ME3: variants seen among roughly 807,000 people sequenced by gnomAD.
The protein encoded by ME3 is malic enzyme 3.
Under a neutral mutation model 68.9 loss-of-function variants are expected in ME3, and 48 were observed. The observed-to-expected ratio is 0.70, with a 90% confidence interval of 0.55 to 0.89. The LOEUF is 0.89. Among genes scored for constraint, ME3 ranks in the 40% least tolerant of loss-of-function variants. The pLI, the probability that ME3 is intolerant of heterozygous loss-of-function variation, is 0.00. For synonymous variants in ME3, 320 were observed against 318.8 expected (o/e 1.00, Z -0.04); for missense variants, 675 against 797.4 (o/e 0.85, Z 1.85).
At chr11:86,448,186 C>G in exon 11 of ME3, 1 of 1,614,172 alleles carries the variant, frequency 6.2e-7, no homozygotes. Flanking sequence ...CTCACCACCT[C>G]CTCCAGGGAG....
intron 2 of ME3, among the ~76,000 whole-genome samples, chr11:86,565,687 A>G (rs1957447488): frequency 6.6e-6 from 1 of 152,250 alleles, no homozygotes; most frequent in Admixed American, 6.5e-5. Context: ...AACTTTTTTA[A>G]ATATTTCTTT....
intron 4 of ME3, among the ~76,000 whole-genome samples, chr11:86,550,580 A>G (rs578052030): frequency 1.3e-5 from 2 of 152,336 alleles, no homozygotes; most frequent in African/African-American, 4.8e-5. Flanking sequence ...GTTTCGCAGC[A>G]GAGTCTGGGT....
At chr11:86,668,435 G>A (rs528627480) in intron 2 of ME3, among the ~76,000 whole-genome samples, 1 of 152,022 alleles carries the variant, frequency 6.6e-6, no homozygotes, top group African/African-American at 2.4e-5. Context: ...GATCCACTAA[G>A]CTAATTTCAT....
At chr11:86,541,980 T>C (rs2139351206) in intron 4 of ME3, among the ~76,000 whole-genome samples, 1 of 152,354 alleles carries the variant, frequency 6.6e-6, no homozygotes, top group South Asian at 2.1e-4. Context: ...TTTGCTGGTC[T>C]GCAGCCTCCG....
At chr11:86,478,187 G>T (rs780619819) in intron 7 of ME3, among the ~76,000 whole-genome samples, 3 of 151,922 alleles carry the variant, frequency 2.0e-5, no homozygotes, top group African/African-American at 7.3e-5. Context: ...ACTACCATTG[G>T]TAGAGATGTT....
At position 86,465,159 on chromosome 11, in the gene ME3, T is replaced by C. The variant is rs757050542; in HGVS notation, c.851A>G (p.Asn284Ser). The C allele has an allele frequency of 5.0e-6, 8 of 1,613,862 alleles. No homozygotes were observed. In the Admixed American group the frequency reaches 1.3e-4, roughly 27 times the overall value. ...GTTGAGCAGGCGGAAGGCATTGGCA[T>C]TGGCGAAGTCTTCAAATTGGATGAG... The change falls in exon 8 of 15, where the codon AAT becomes AGT. Residue 284 changes from asparagine to serine, a missense_variant. Transcript: ENST00000543262.
intron 2 of ME3, among the ~76,000 whole-genome samples, chr11:86,579,519 G>C (rs1958315494): frequency 6.6e-6 from 1 of 152,168 alleles, no homozygotes. Flanking sequence ...CTAGCTACTG[G>C]CTGGAACATC....
At chr11:86,599,648 G>T (rs191676799) in intron 2 of ME3, among the ~76,000 whole-genome samples, 1,890 of 152,288 alleles carry the variant, frequency 0.012, 16 homozygotes, top group Middle Eastern at 0.027. Flanking sequence ...ACACATGATT[G>T]TCAGATTCAC....
chr11:86,515,902 C>T (rs1197543267), intron 4 of ME3, among the ~76,000 whole-genome samples: 1 of 152,156 alleles, frequency 6.6e-6, no homozygotes, highest in African/African-American at 2.4e-5. Context: ...AAGCCGCAGG[C>T]CAGGCTCTGC....
At chr11:86,535,786 T>C (rs549354871) in intron 4 of ME3, among the ~76,000 whole-genome samples, 2 of 152,314 alleles carry the variant, frequency 1.3e-5, no homozygotes, top group South Asian at 4.1e-4. Flanking sequence ...GAGTTAGAGC[T>C]CTGTCTTTAA....
At chr11:86,544,561 T>C (rs981568075) in intron 4 of ME3, among the ~76,000 whole-genome samples, 7 of 152,234 alleles carry the variant, frequency 4.6e-5, no homozygotes, top group Admixed American at 2.6e-4. Flanking sequence ...CTAGAAGAAA[T>C]TGATAAATTC....
chr11:86,658,368 C>G (rs1946056541), intron 2 of ME3, among the ~76,000 whole-genome samples: 1 of 151,988 alleles, frequency 6.6e-6, no homozygotes, highest in African/African-American at 2.4e-5. Flanking sequence ...AGTGATCCAC[C>G]TGCCTCAGCC....
intron 2 of ME3, among the ~76,000 whole-genome samples, chr11:86,670,488 G>A (rs575058292): frequency 2.0e-5 from 3 of 152,274 alleles, no homozygotes; most frequent in Admixed American, 6.5e-5. Flanking sequence ...ATTTTCTAAC[G>A]CTTACTAGCA....
chr11:86,454,451 G>C (rs951270946), intron 8 of ME3, among the ~76,000 whole-genome samples: 2 of 152,222 alleles, frequency 1.3e-5, no homozygotes, highest in African/African-American at 2.4e-5. Context: ...AGACACAGTA[G>C]ACTGTTTTAT....
chr11:86,498,165 C>G, intron 5 of ME3, 41 bp from the exon 6 acceptor site: 1 of 1,574,926 alleles, frequency 6.3e-7, no homozygotes, highest in Non-Finnish European at 8.6e-7. Context: ...GACAGCACTT[C>G]CTGTGACAGG....
intron 2 of ME3, among the ~76,000 whole-genome samples, chr11:86,646,820 T>C (rs941415376): frequency 1.3e-5 from 2 of 152,006 alleles, no homozygotes; most frequent in African/African-American, 2.4e-5. Flanking sequence ...AGATTACCCA[T>C]AAAGGGAAGT....
intron 9 of ME3, 92 bp from the exon 10 acceptor site, chr11:86,450,094 TC>T (rs1949547818): frequency 1.4e-5 from 16 of 1,128,454 alleles, no homozygotes; most frequent in South Asian, 2.9e-5. Flanking sequence ...CCCTTTTCTT[TC>T]CCCCACCTCA....
At chr11:86,458,889 C>G (rs1425206744) in intron 8 of ME3, among the ~76,000 whole-genome samples, 1 of 152,172 alleles carries the variant, frequency 6.6e-6, no homozygotes, top group South Asian at 2.1e-4. Flanking sequence ...CATCTGAAGC[C>G]TGTGCAAAGT....
chr11:86,480,466 C>T lies in ME3; in HGVS notation c.809+6871G>A, dbSNP rs542594946. 2.8e-4 allele frequency among the ~76,000 whole-genome samples: 43 copies of T among 152,188 alleles called. No homozygotes were observed. The East Asian group carries it at 7.5e-3, about 27-fold the overall frequency. ...CACAGGAAGCCATTTAGAAGAAATTCCCCAAACAAGGCAGTCACCACTGTC... is the reference window on the plus strand; with the variant it reads ...CACAGGAAGCCATTTAGAAGAAATTTCCCAAACAAGGCAGTCACCACTGTC... On this transcript the variant is annotated intron_variant, in intron 7 of 14. Transcript: ENST00000543262.
Sources: allele counts gnomAD v4.1 joint callset (sites outside exome capture counted in the v4.1 genomes callset), GRCh38; gene constraint gnomAD v4.1.1; transcripts MANE v1.5; gene names NCBI Gene and HGNC (gene_info 2026-07-23, HGNC 2026-07-21).